The following MX1 variants were observed in gnomAD, a reference collection of about 807,000 sequenced individuals.
The protein encoded by MX1 is MX dynamin like GTPase 1.
A neutral mutation model predicts 66.4 loss-of-function variants in MX1; 66 were observed. The ratio of observed to expected loss-of-function variants is 0.99; its 90% CI spans 0.82 to 1.22. The LOEUF is 1.22. Ranked by LOEUF, MX1 falls within the 50% of genes most tolerant of loss-of-function variation. The pLI, the probability that MX1 is intolerant of heterozygous loss-of-function variation, is 0.00. For missense variants in MX1, 787 were observed against 834.3 expected, an observed-to-expected ratio of 0.94 and a Z score of 0.70; for synonymous variants, 311 against 318.1, an observed-to-expected ratio of 0.98 and a Z score of 0.24.
chr21:41,430,757 A>G (rs143176812), intron 4 of MX1, 149 bp downstream of exon 4: 3 of 152,328 alleles, frequency 2.0e-5, no homozygotes, highest in Non-Finnish European at 4.4e-5. Flanking sequence ...TTTCAAATAC[A>G]TACGTGTGTA....
chr21:41,432,629 C>A (rs946874972), intron 5 of MX1, among the ~76,000 whole-genome samples: 34 of 152,324 alleles, frequency 2.2e-4, no homozygotes, highest in Admixed American at 7.8e-4. Flanking sequence ...TGGAATCAGT[C>A]CAACCTCAGT....
chr21:41,450,238 A>G (rs540803558), intron 14 of MX1, among the ~76,000 whole-genome samples: 2 of 152,288 alleles, frequency 1.3e-5, no homozygotes, highest in African/African-American at 4.8e-5. Flanking sequence ...TGCTGTAGGA[A>G]TCTAGGTGTG....
Position 41,452,602 on chromosome 21 carries a change from T to G in MX1, c.1510-19T>G. 1 of 1,584,512 alleles carries G rather than the reference T, an allele frequency of 6.3e-7. No homozygotes were observed. Among genetic ancestry groups the G allele is most frequent in the South Asian group, 1.2e-5 (1 of 86,104 alleles). Reference sequence around the variant, plus strand: ...TTTGTGTCTTGAGGGAAACTGTATTTATTTATTTTTTACTGTAGTCCAAAA... The same window carrying G: ...TTTGTGTCTTGAGGGAAACTGTATTGATTTATTTTTTACTGTAGTCCAAAA... On this transcript the variant is annotated intron_variant, in intron 15 of 16. Coordinates refer to ENST00000398598, the MANE Select transcript of MX1 (RefSeq NM_002462.5).
At position 41,441,313 on chromosome 21, in the gene MX1, T is replaced by C; in HGVS notation, c.730+288T>C. The stretch of plus-strand genomic sequence containing the variant: ...TGAGCTGCTTTTGACTCTCACTGGC[T>C]AGGTTGCCTTGTAAGCCTTATCTAC... On this transcript the variant is annotated intron_variant, in intron 9 of 16. Coordinates refer to ENST00000398598, the MANE Select transcript of MX1 (RefSeq NM_002462.5). This position sits in a 1 kb window ranked among gnomAD's most constrained non-coding sequence, Gnocchi z 4.0. The C allele has an allele frequency of 2.2e-6, 1 of 445,864 alleles. No individual in the cohort carries two copies. The highest frequency in any genetic ancestry group is 3.7e-5 in the East Asian group (1 of 27,174). The allele number at this position is 445,864 out of a possible 1,614,324, so 27.6% of individuals were successfully genotyped here. A position where few individuals can be genotyped will look rare whatever the true frequency, so the allele number is the denominator to read the frequency against.
chr21:41,423,740 A>G (rs914993979), upstream of MX1, among the ~76,000 whole-genome samples: 1 of 151,952 alleles, frequency 6.6e-6, no homozygotes, highest in Non-Finnish European at 1.5e-5. Context: ...CAAAACAACC[A>G]CCTATACTCC....
intron 14 of MX1, 112 bp from the exon 15 acceptor site, chr21:41,451,055 C>T (rs1187980589): frequency 8.5e-6 from 6 of 702,426 alleles, no homozygotes; most frequent in Non-Finnish European, 1.5e-5. Flanking sequence ...AAGAAGGGAG[C>T]GGGGAGAGGG....
chr21:41,458,501 C>T (rs1427238538), intron 16 of MX1, 27 bp from the exon 17 acceptor site: 6 of 1,612,602 alleles, frequency 3.7e-6, no homozygotes, highest in Non-Finnish European at 5.1e-6. Flanking sequence ...CCCCTCCACC[C>T]TCCCGTGAAC....
intron 8 of MX1, 101 bp downstream of exon 8, chr21:41,439,949 C>T: frequency 2.3e-6 from 3 of 1,298,484 alleles, no homozygotes; most frequent in Non-Finnish European, 3.2e-6. Flanking sequence ...AACCGTGAGT[C>T]CAGAGCTGAG....
chr21:41,423,822 C>T (rs1489645829), upstream of MX1, among the ~76,000 whole-genome samples: 1 of 152,160 alleles, frequency 6.6e-6, no homozygotes, highest in East Asian at 1.9e-4. Flanking sequence ...GGAAGGACTG[C>T]GGTGGACAAG....
At position 41,458,874 on chromosome 21, in the gene MX1, T is replaced by G; in HGVS notation, c.*116T>G. On this transcript the variant is annotated 3_prime_UTR_variant, in exon 17 of 17. Transcript: ENST00000398598. ...GTCAGACTGGATAGTCCGTCTCTGC[T>G]TATCCGTTAGCCGTGGTGATTTAGC... The G allele has an allele frequency of 6.9e-7, 1 of 1,449,216 alleles. No homozygotes were observed. The highest frequency in any genetic ancestry group is 9.1e-7 in the Non-Finnish European group (1 of 1,099,820). The allele number at this position is 1,449,216 out of a possible 1,614,324, so 89.8% of individuals were successfully genotyped here.
At chr21:41,425,564 T>C (rs569410340), upstream of MX1, among the ~76,000 whole-genome samples, 18 of 152,360 alleles carry the variant, frequency 1.2e-4, 1 homozygote, top group South Asian at 3.5e-3. Flanking sequence ...TGGGATGCGA[T>C]GGCCTGGCCT....
rs552157273 is a variant in MX1, at chr21:41,458,107, C to T, written c.1759-421C>T. Among the ~76,000 whole-genome samples the T allele has an allele frequency of 5.3e-5, 8 of 152,304 alleles. No homozygotes were observed. In the South Asian group the frequency reaches 1.5e-3, roughly 28 times the overall value. On this transcript the variant is annotated intron_variant, in intron 16 of 16. Transcript: ENST00000398598. ...CAGCCTCCCCCTGCCTGGGTTCAAA[C>T]AATTCTCCTGCCTCAGCCTCCCATG...
chr21:41,439,546 A>T, intron 7 of MX1, 148 bp from the exon 8 acceptor site: 1 of 787,568 alleles, frequency 1.3e-6, no homozygotes, highest in Non-Finnish European at 2.1e-6. Flanking sequence ...GATCTCTTTT[A>T]TCCCAATCAC....
intron 13 of MX1, among the ~76,000 whole-genome samples, chr21:41,447,457 G>A (rs2090695027): frequency 1.3e-5 from 2 of 152,316 alleles, no homozygotes; most frequent in Non-Finnish European, 1.5e-5. Context: ...CAGGCACAGA[G>A]TGCTGGTCCA....
intron 16 of MX1, 91 bp downstream of exon 16, chr21:41,452,960 A>T: frequency 6.7e-7 from 1 of 1,492,736 alleles, no homozygotes; most frequent in African/African-American, 1.4e-5. Flanking sequence ...TCTGTAGGTG[A>T]CGTTGGTCAG....
At chr21:41,422,125 A>G (rs955481065), upstream of MX1, 4 of 152,236 alleles carry the variant, frequency 2.6e-5, no homozygotes, top group African/African-American at 9.7e-5. Flanking sequence ...AGGGTGAGAT[A>G]GGAGGTCAGC....
In MX1 at chr21:41,458,665, G is replaced by A. The variant is rs770815743; in HGVS notation, c.1896G>A (p.Glu632=). ...ACACCTACAGCTGGCTCCTGAAGGA[G>A]CGGAGCGACACCAGCGACAAGCGGA... is the stretch of plus-strand genomic sequence containing the variant. ...DKDTYSWLLK[E]RSDTSDKRKF... is the part of the protein sequence containing the mutation. Residue 632 remains glutamate (E), a synonymous_variant, in exon 17 of 17, where the codon GAG becomes GAA. Coordinates refer to ENST00000398598, the MANE Select transcript of MX1 (RefSeq NM_002462.5). The A allele has an allele frequency of 1.2e-6, 2 of 1,614,228 alleles. No homozygotes were observed. Among genetic ancestry groups the A allele is most frequent in the Admixed American group, 1.7e-5 (1 of 60,032 alleles).
At position 41,458,897 on chromosome 21, in the gene MX1, A is replaced by C; in HGVS notation, c.*139A>C. The C allele has an allele frequency of 7.1e-7, 1 of 1,416,352 alleles. No homozygotes were observed. Among genetic ancestry groups the C allele is most frequent in the Non-Finnish European group, 9.3e-7 (1 of 1,077,958 alleles). 87.7% of individuals were successfully genotyped at this position (1,416,352 alleles called of 1,614,324 possible). On this transcript the variant is annotated 3_prime_UTR_variant, in exon 17 of 17. Transcript: ENST00000398598. ...GCTTATCCGTTAGCCGTGGTGATTT[A>C]GCAGGAAGCTGTGAGAGCAGTTTGG...
At chr21:41,431,814 G>C in intron 4 of MX1, 1 of 440,396 alleles carries the variant, frequency 2.3e-6, no homozygotes, top group Non-Finnish European at 4.2e-6. Context: ...GGGAGGCAGC[G>C]TTTGTCTTTA....
Sources: gnomAD v4.1 joint callset for allele counts (sites outside exome capture counted in the v4.1 genomes callset) on GRCh38, gnomAD v4.1.1 for gene constraint, Gnocchi (gnomAD v3.1) non-coding constraint, MANE v1.5 for transcripts, NCBI Gene and HGNC (gene_info 2026-07-23, HGNC 2026-07-21) for gene names.